PAPPA2: variants seen among roughly 807,000 people sequenced by gnomAD.
PAPPA2 encodes the protein pappalysin-2.
In PAPPA2, 86 loss-of-function variants were observed where a neutral mutation model predicts 176.4. The ratio of observed to expected loss-of-function variants is 0.49; its 90% CI spans 0.41 to 0.58. The LOEUF (loss-of-function observed/expected upper bound fraction) is 0.58, where lower values mean the gene tolerates loss of function less well. Among genes scored for constraint, PAPPA2 ranks in the 20% least tolerant of loss-of-function variants. PAPPA2 has a pLI of 0.00. For synonymous variants in PAPPA2, 809 were observed against 852.2 expected, an observed-to-expected ratio of 0.95 and a Z score of 0.88; for missense variants, 2,073 against 2,256.9, an observed-to-expected ratio of 0.92 and a Z score of 1.65.
chr1:176,492,530 A>G (rs942574850), intron 1 of PAPPA2, among the ~76,000 whole-genome samples: 1 of 152,152 alleles, frequency 6.6e-6, no homozygotes, highest in African/African-American at 2.4e-5. Flanking sequence ...AGGTGCTTCC[A>G]GGTCAGAATT....
chr1:176,508,029 A>G (rs1273885000), intron 1 of PAPPA2, among the ~76,000 whole-genome samples: 1 of 152,160 alleles, frequency 6.6e-6, no homozygotes, highest in Admixed American at 6.6e-5. Context: ...GACCTCAGAG[A>G]AGTCATGCCT....
chr1:176,517,817 C>T (rs1215754781), intron 1 of PAPPA2, among the ~76,000 whole-genome samples: 1 of 152,130 alleles, frequency 6.6e-6, no homozygotes, highest in Non-Finnish European at 1.5e-5. Context: ...GACTGGCCAC[C>T]TTCGACATGG....
chr1:176,770,334 T>C (rs1664167555), intron 16 of PAPPA2, among the ~76,000 whole-genome samples: 1 of 152,182 alleles, frequency 6.6e-6, no homozygotes, highest in African/African-American at 2.4e-5. Flanking sequence ...ATAATGATGT[T>C]ATGGTGAATA....
chr1:176,836,235 C>T (rs1049406590), intron 21 of PAPPA2, among the ~76,000 whole-genome samples: 10 of 152,176 alleles, frequency 6.6e-5, no homozygotes, highest in East Asian at 1.9e-4. Flanking sequence ...ATTCACATAA[C>T]GAGAAGTTTT....
chr1:176,731,748 T>TATATGTGTAC (rs1662167489), intron 12 of PAPPA2, among the ~76,000 whole-genome samples: 5 of 151,984 alleles, frequency 3.3e-5, no homozygotes, highest in African/African-American at 9.7e-5. Context: ...CATGCGTACA[T>TATATGTGTAC]ATATATACGC....
chr1:176,705,658 C>A (rs1002969212), intron 9 of PAPPA2, among the ~76,000 whole-genome samples: 3 of 152,190 alleles, frequency 2.0e-5, no homozygotes, highest in Non-Finnish European at 4.4e-5. Context: ...CTAACTCCCC[C>A]ACCTCAATTC....
chr1:176,770,521 G>A (rs551806378), intron 16 of PAPPA2, among the ~76,000 whole-genome samples: 40 of 152,216 alleles, frequency 2.6e-4, no homozygotes, highest in African/African-American at 8.4e-4. Flanking sequence ...ATAATAATAG[G>A]ATCTATTTCA....
At chr1:176,562,907 G>T (rs1651756160) in intron 2 of PAPPA2, among the ~76,000 whole-genome samples, 1 of 152,188 alleles carries the variant, frequency 6.6e-6, no homozygotes, top group African/African-American at 2.4e-5. Flanking sequence ...CTCGAAGCCT[G>T]TGGCCATGCC....
chr1:176,709,933 A>T, intron 10 of PAPPA2, 50 bp from the exon 11 acceptor site: 1 of 1,493,370 alleles, frequency 6.7e-7, no homozygotes, highest in Non-Finnish European at 9.1e-7. Flanking sequence ...CATTTTTTTC[A>T]TGACATTTAT....
chr1:176,684,934 G>A lies in PAPPA2; in HGVS notation c.2138-5203G>A, dbSNP rs528085875. Among the ~76,000 whole-genome samples, 9 of 152,226 alleles carry A rather than the reference G, an allele frequency of 5.9e-5. No homozygotes were observed. In the South Asian group the frequency reaches 1.0e-3, roughly 18 times the overall value. On this transcript the variant is annotated intron_variant, in intron 4 of 22. Coordinates refer to ENST00000367662, the MANE Select transcript of PAPPA2 (RefSeq NM_020318.3). ...TCTTGCTTGTCTTCTGGATGCCTGC[G>A]GTTGTCAGGATCAGAAAAACATGAA...
intron 2 of PAPPA2, among the ~76,000 whole-genome samples, chr1:176,566,750 G>T (rs970662929): frequency 2.0e-5 from 3 of 152,142 alleles, no homozygotes; most frequent in Admixed American, 2.0e-4. Flanking sequence ...CCTCCTTTTT[G>T]CACTTCTTTC....
At chr1:176,475,966 C>T (rs1258822517) in intron 1 of PAPPA2, among the ~76,000 whole-genome samples, 2 of 152,114 alleles carry the variant, frequency 1.3e-5, no homozygotes, top group African/African-American at 2.4e-5. Context: ...AGGCAGTGTG[C>T]AATTTTTCAA....
At chr1:176,739,484 CCATATTTTTAGCATTTAT>C in intron 12 of PAPPA2, 124 bp from the exon 13 acceptor site, 1 of 794,726 alleles carries the variant, frequency 1.3e-6, no homozygotes, top group East Asian at 2.7e-5. Flanking sequence ...TGTGTCTACT[CCATATTTTTAGCATTTAT>C]AAAAAAAATG....
At chr1:176,634,845 GA>G (rs1656583110) in intron 3 of PAPPA2, among the ~76,000 whole-genome samples, 1 of 124,506 alleles carries the variant, frequency 8.0e-6, no homozygotes, top group Non-Finnish European at 1.7e-5. Context: ...TAGATAGATA[GA>G]TACATAGATA....
chr1:176,611,567 C>A (rs1313983119), intron 3 of PAPPA2, among the ~76,000 whole-genome samples: 1 of 152,158 alleles, frequency 6.6e-6, no homozygotes, highest in East Asian at 1.9e-4. Flanking sequence ...TGATCATTGA[C>A]CCTTGGTCAG....
intron 20 of PAPPA2, among the ~76,000 whole-genome samples, chr1:176,799,360 A>G (rs1002675901): frequency 6.6e-6 from 1 of 152,246 alleles, no homozygotes; most frequent in Admixed American, 6.5e-5. Flanking sequence ...GGAAATGGCC[A>G]TCAGGAAAGA....
At chr1:176,788,192 ATACT>A (rs1397584006) in intron 17 of PAPPA2, among the ~76,000 whole-genome samples, 1 of 152,242 alleles carries the variant, frequency 6.6e-6, no homozygotes, top group Non-Finnish European at 1.5e-5. Context: ...AATTCAGCAG[ATACT>A]TACTTAATGC....
At chr1:176,735,724 CTATCTATCTATCTATCATCT>C (rs1054061346) in intron 12 of PAPPA2, among the ~76,000 whole-genome samples, 8 of 145,982 alleles carry the variant, frequency 5.5e-5, no homozygotes, top group Non-Finnish European at 9.1e-5. Flanking sequence ...ATCTATCTAT[CTATCTATCTATCTATCATCT>C]ATCTGTCTGT....
intron 3 of PAPPA2, among the ~76,000 whole-genome samples, chr1:176,617,693 G>T (rs11804586): frequency 0.074 from 11,176 of 151,830 alleles, 1,361 homozygotes; most frequent in African/African-American, 0.26. Context: ...CTCATTGGCT[G>T]ATGAACATTT....
Sources: gnomAD v4.1 joint callset for allele counts (sites outside exome capture counted in the v4.1 genomes callset) on GRCh38, gnomAD v4.1.1 for gene constraint, MANE v1.5 for transcripts, NCBI Gene and HGNC (gene_info 2026-07-23, HGNC 2026-07-21) for gene names.